Variants in PCDH15 observed in about 807,000 individuals in gnomAD.
PCDH15 encodes protocadherin-15.
Under a neutral mutation model 178.5 loss-of-function variants are expected in PCDH15, and 129 were observed. That is an observed-to-expected ratio of 0.72 (90% CI 0.63 to 0.84). The LOEUF is 0.84. PCDH15 is among the 40% of genes least tolerant of loss of function. The pLI is 0.00. For missense variants in PCDH15, 2,230 were observed against 2,099.9 expected, an observed-to-expected ratio of 1.06 and a Z score of -1.21; for synonymous variants, 800 against 732.0, an observed-to-expected ratio of 1.09 and a Z score of -1.50.
At chr10:55,469,096 C>T (rs1410663641) in intron 2 of PCDH15, 2 of 151,622 alleles carry the variant, frequency 1.3e-5, no homozygotes, top group Non-Finnish European at 2.9e-5. Flanking sequence ...AATCAAGAAA[C>T]AATGAAACAG....
chr10:54,319,588 G>A (rs763886299), intron 7 of PCDH15, among the ~76,000 whole-genome samples: 2 of 152,154 alleles, frequency 1.3e-5, no homozygotes, highest in Admixed American at 6.6e-5. Context: ...GAACTGGATA[G>A]AGGCGGTGGT....
chr10:54,723,576 C>T (rs1343207879), intron 1 of PCDH15, among the ~76,000 whole-genome samples: 1 of 151,510 alleles, frequency 6.6e-6, no homozygotes, highest in Non-Finnish European at 1.5e-5. Flanking sequence ...AGCTTTTGCA[C>T]AACAAAATAA....
intron 2 of PCDH15, among the ~76,000 whole-genome samples, chr10:55,099,036 C>T (rs1345009320): frequency 1.3e-5 from 2 of 151,906 alleles, no homozygotes; most frequent in Non-Finnish European, 2.9e-5. Flanking sequence ...GATGATGAAC[C>T]TCAGGTGTTT....
chr10:53,834,869 T>A (rs2077215159), intron 29 of PCDH15, among the ~76,000 whole-genome samples: 2 of 152,186 alleles, frequency 1.3e-5, no homozygotes, highest in South Asian at 4.1e-4. Context: ...AATGTACATA[T>A]GAATGTAGAA....
rs185886753 is a variant in PCDH15, at chr10:55,277,377, A to C, written c.-156+42222T>G. Among the ~76,000 whole-genome samples, 1,087 of 152,210 alleles carry C rather than the reference A, an allele frequency of 7.1e-3. 7 individuals carry two copies. Among genetic ancestry groups the C allele is most frequent in the Non-Finnish European group, 0.012 (821 of 67,966 alleles). On this transcript the variant is annotated intron_variant, in intron 1 of 5. Transcript: ENST00000458638. ...CCTGTGATTCATTATCTGTTGAAAAAGAGGAATGGTTTCTGAAATCTATCC... is the reference window on the plus strand; with the variant it reads ...CCTGTGATTCATTATCTGTTGAAAACGAGGAATGGTTTCTGAAATCTATCC...
chr10:54,504,723 A>G (rs530608838), intron 3 of PCDH15, among the ~76,000 whole-genome samples: 2 of 152,242 alleles, frequency 1.3e-5, no homozygotes, highest in Admixed American at 6.5e-5. Context: ...ATACATATAT[A>G]CATATATAAA....
At chr10:54,792,475 G>T (rs762250868) in intron 1 of PCDH15, among the ~76,000 whole-genome samples, 1 of 151,942 alleles carries the variant, frequency 6.6e-6, no homozygotes, top group African/African-American at 2.4e-5. Context: ...TGCCTGTAAA[G>T]GTGTTTCTGA....
intron 18 of PCDH15, among the ~76,000 whole-genome samples, chr10:54,048,472 C>T (rs7075198): frequency 0.47 from 71,831 of 151,930 alleles, 17,360 homozygotes; most frequent in Middle Eastern, 0.64. Flanking sequence ...AACTTCTTTG[C>T]CAAGGCTGAT....
At chr10:54,769,072 A>G (rs895350523) in intron 1 of PCDH15, among the ~76,000 whole-genome samples, 2 of 152,324 alleles carry the variant, frequency 1.3e-5, no homozygotes, top group African/African-American at 4.8e-5. Flanking sequence ...GATTTAAAAC[A>G]GATGAAATTT....
intron 1 of PCDH15, among the ~76,000 whole-genome samples, chr10:54,787,603 T>C (rs780222829): frequency 6.6e-6 from 1 of 151,960 alleles, no homozygotes; most frequent in Non-Finnish European, 1.5e-5. Flanking sequence ...GTGCAGAACA[T>C]GACAGGATGA....
chr10:55,413,856 T>C (rs1222541635), intron 2 of PCDH15, among the ~76,000 whole-genome samples: 3 of 151,524 alleles, frequency 2.0e-5, no homozygotes, highest in African/African-American at 4.8e-5. Flanking sequence ...ACATATTGAA[T>C]GAAGAGTGGT....
chr10:55,263,359 A>C (rs1430163413), intron 1 of PCDH15, among the ~76,000 whole-genome samples: 1 of 152,202 alleles, frequency 6.6e-6, no homozygotes, highest in Non-Finnish European at 1.5e-5. Flanking sequence ...CATTTCGCTC[A>C]GCAGCCAAGG....
chr10:54,316,402 A>G (rs892139246), intron 8 of PCDH15, among the ~76,000 whole-genome samples: 4 of 152,138 alleles, frequency 2.6e-5, no homozygotes, highest in Non-Finnish European at 5.9e-5. Flanking sequence ...GTAGCTTCCA[A>G]CAAATTCTAA....
At chr10:55,330,811 A>C (rs914354613) in intron 2 of PCDH15, among the ~76,000 whole-genome samples, 4 of 147,918 alleles carry the variant, frequency 2.7e-5, no homozygotes, top group Admixed American at 6.9e-5. Flanking sequence ...ATTTCTCATT[A>C]TCTCTCTTAA....
intron 2 of PCDH15, among the ~76,000 whole-genome samples, chr10:55,557,510 T>C (rs145940174): frequency 2.6e-5 from 4 of 152,214 alleles, no homozygotes; most frequent in African/African-American, 9.6e-5. Context: ...AGAAGTAGAA[T>C]CAGAGAACAC....
Position 55,364,608 on chromosome 10 carries a change from G to T in PCDH15, c.-155-197957C>A, listed in dbSNP as rs1246040169. On this transcript the variant is annotated intron_variant, in intron 2 of 5. Transcript: ENST00000613346. The stretch of plus-strand genomic sequence containing the variant: ...CAGAGGCACATGGCTATATTATTTT[G>T]TGTCTTTTGCCTAATTAGAAAGTTT... 2.6e-5 allele frequency among the ~76,000 whole-genome samples: 4 copies of T among 151,930 alleles called. No homozygotes were observed. In the South Asian group the frequency reaches 8.3e-4, roughly 32 times the overall value.
intron 18 of PCDH15, among the ~76,000 whole-genome samples, chr10:54,037,030 T>C (rs2093432183): frequency 6.6e-6 from 1 of 151,888 alleles, no homozygotes; most frequent in Non-Finnish European, 1.5e-5. Flanking sequence ...TGGTGAGAAC[T>C]AGAATTAGAG....
chr10:54,254,532 C>T (rs1210133240), intron 8 of PCDH15, among the ~76,000 whole-genome samples: 3 of 152,134 alleles, frequency 2.0e-5, no homozygotes, highest in Non-Finnish European at 4.4e-5. Flanking sequence ...CACTCTTACT[C>T]AACTCCCACA....
At chr10:54,168,681 A>C (rs1227123678) in intron 13 of PCDH15, among the ~76,000 whole-genome samples, 1 of 152,176 alleles carries the variant, frequency 6.6e-6, no homozygotes, top group Non-Finnish European at 1.5e-5. Context: ...TTCATCAAAT[A>C]TAAAAATCCA....
Sources: allele counts gnomAD v4.1 joint callset (sites outside exome capture counted in the v4.1 genomes callset), GRCh38; gene constraint gnomAD v4.1.1; transcripts MANE v1.5; gene names NCBI Gene and HGNC (gene_info 2026-07-23, HGNC 2026-07-21).